Variants in ANXA8 observed in about 807,000 individuals in gnomAD.
ANXA8 encodes VAC-beta.
In ANXA8, 9 loss-of-function variants were observed where a neutral mutation model predicts 26.8. The ratio of observed to expected loss-of-function variants is 0.34; its 90% CI spans 0.20 to 0.59. The LOEUF (loss-of-function observed/expected upper bound fraction) is 0.59, where lower values mean the gene tolerates loss of function less well. ANXA8 is among the 20% of genes least tolerant of loss of function. ANXA8 has a pLI of 0.84. For missense variants in ANXA8, 83 were observed against 238.5 expected, an observed-to-expected ratio of 0.35 and a Z score of 4.29; for synonymous variants, 39 against 94.8, an observed-to-expected ratio of 0.41 and a Z score of 3.42.
the ANXA8 span, among the ~76,000 whole-genome samples, chr10:47,623,945 G>A: frequency 2.0e-5 from 2 of 98,168 alleles, no homozygotes; most frequent in Non-Finnish European, 4.3e-5. Context: ...TGACTTAAAA[G>A]TAAAAAGGTG....
At chr10:47,560,627 T>A in the ANXA8 span, among the ~76,000 whole-genome samples, 2 of 151,956 alleles carry the variant, frequency 1.3e-5, no homozygotes, top group African/African-American at 4.8e-5. Flanking sequence ...ATGTGCGATG[T>A]TCCTCGCAGT....
chr10:47,599,101 T>C, the ANXA8 span, among the ~76,000 whole-genome samples: 1,696 of 147,542 alleles, frequency 0.011, 41 homozygotes, highest in Middle Eastern at 0.05. Context: ...CATAATAATA[T>C]ATAGTTAATA....
At chr10:47,658,152 G>A in the ANXA8 span, among the ~76,000 whole-genome samples, 8 of 151,810 alleles carry the variant, frequency 5.3e-5, no homozygotes, top group Admixed American at 2.0e-4. Flanking sequence ...GGTGGATCAC[G>A]AGATCAAGAG....
the ANXA8 span, among the ~76,000 whole-genome samples, chr10:47,881,801 GAGTATT>G: frequency 2.8e-5 from 1 of 36,072 alleles, no homozygotes; most frequent in African/African-American, 1.3e-4. Flanking sequence ...GTTTGTGTAT[GAGTATT>G]TGTGTGTATG....
At chr10:47,755,551 G>T in the ANXA8 span, among the ~76,000 whole-genome samples, 1 of 132,436 alleles carries the variant, frequency 7.6e-6, no homozygotes, top group Non-Finnish European at 1.6e-5. Context: ...CACCGTGCCC[G>T]GCCCTTTTTT....
At chr10:47,755,124 CTT>C in the ANXA8 span, among the ~76,000 whole-genome samples, 1 of 151,002 alleles carries the variant, frequency 6.6e-6, no homozygotes, top group African/African-American at 2.5e-5. Flanking sequence ...GCCTAGCTAA[CTT>C]TTGTATTTTT....
chr10:47,653,634 A>G, the ANXA8 span, among the ~76,000 whole-genome samples: 3 of 150,040 alleles, frequency 2.0e-5, no homozygotes, highest in Non-Finnish European at 2.9e-5. Flanking sequence ...GACCAGAGTT[A>G]TAAGTCATAT....
chr10:47,652,442 C>A, the ANXA8 span, among the ~76,000 whole-genome samples: 3 of 151,366 alleles, frequency 2.0e-5, no homozygotes, highest in Non-Finnish European at 4.4e-5. Flanking sequence ...ATTAAAAAAA[C>A]AAAAATTGGC....
At chr10:47,653,310 T>C in the ANXA8 span, among the ~76,000 whole-genome samples, 1 of 149,482 alleles carries the variant, frequency 6.7e-6, no homozygotes, top group African/African-American at 2.6e-5. Context: ...AGACTCAGTC[T>C]CAAAAAAACA....
chr10:47,694,700 C>T, the ANXA8 span, among the ~76,000 whole-genome samples: 43 of 151,870 alleles, frequency 2.8e-4, no homozygotes, highest in South Asian at 1.9e-3. Flanking sequence ...ATTACAGGCG[C>T]GAGCCACCGC....
chr10:47,484,108 C>A lies in ANXA8; in HGVS notation c.-175G>T. 6.5e-7 allele frequency: 1 copy of A among 1,536,934 alleles called. No individual in the cohort carries two copies. Among genetic ancestry groups the A allele is most frequent in the East Asian group, 2.3e-5 (1 of 43,656 alleles). ...CACCTGCCTGCCGTCCCCTCGCCCC[C>A]GGGCTCTGCCTGGCTTTGGGCATCT... On this transcript the variant is annotated 5_prime_UTR_variant, in exon 1 of 12. Transcript: ENST00000585281.
At chr10:47,930,787 TG>T in the ANXA8 span, among the ~76,000 whole-genome samples, 1 of 150,378 alleles carries the variant, frequency 6.6e-6, no homozygotes, top group Non-Finnish European at 1.5e-5. Context: ...AGTGGAGAGC[TG>T]CACTTCAGCC....
the ANXA8 span, among the ~76,000 whole-genome samples, chr10:47,561,464 A>C: frequency 1.3e-5 from 2 of 151,884 alleles, no homozygotes; most frequent in Non-Finnish European, 2.9e-5. Flanking sequence ...TATCTCAAAG[A>C]AACTTATTCC....
At chr10:47,694,491 G>A in the ANXA8 span, among the ~76,000 whole-genome samples, 1 of 141,444 alleles carries the variant, frequency 7.1e-6, no homozygotes. Flanking sequence ...CGTGATCTCT[G>A]CTCACTGCAA....
chr10:47,976,933 A>G, the ANXA8 span, among the ~76,000 whole-genome samples: 3,016 of 38,040 alleles, frequency 0.079, 200 homozygotes, highest in African/African-American at 0.15. Flanking sequence ...CTTTGGAAAA[A>G]CTCTGACATA....
the ANXA8 span, chr10:47,502,891 A>C: frequency 5.0e-6 from 8 of 1,604,576 alleles, no homozygotes; most frequent in African/African-American, 1.1e-4. Flanking sequence ...GGCAGACACA[A>C]TCATAAAGTT....
chr10:47,945,108 G>A, the ANXA8 span, among the ~76,000 whole-genome samples: 3 of 150,430 alleles, frequency 2.0e-5, no homozygotes, highest in African/African-American at 7.4e-5. Context: ...CCCAAGACTG[G>A]CTCAGGCCCT....
the ANXA8 span, among the ~76,000 whole-genome samples, chr10:47,656,052 T>A: frequency 6.6e-6 from 1 of 151,480 alleles, no homozygotes. Context: ...CAAAGGCAGG[T>A]GGTAGCAGAT....
chr10:47,556,620 A>C, the ANXA8 span, among the ~76,000 whole-genome samples: 1 of 151,896 alleles, frequency 6.6e-6, no homozygotes. Flanking sequence ...ATGGATATGT[A>C]CATATATAAC....
Sources: allele counts gnomAD v4.1 joint callset (sites outside exome capture counted in the v4.1 genomes callset), GRCh38; gene constraint gnomAD v4.1.1; transcripts MANE v1.5; gene names NCBI Gene and HGNC (gene_info 2026-07-23, HGNC 2026-07-21).